The following GRM7 variants were observed in gnomAD, a reference collection of about 807,000 sequenced individuals.
The protein encoded by GRM7 is metabotropic glutamate receptor 7.
Under a neutral mutation model 84.5 loss-of-function variants are expected in GRM7, and 35 were observed. The ratio of observed to expected loss-of-function variants is 0.41; its 90% CI spans 0.32 to 0.55. The LOEUF (loss-of-function observed/expected upper bound fraction) is 0.55, where lower values mean the gene tolerates loss of function less well. GRM7 is among the 20% of genes least tolerant of loss of function. The probability of loss-of-function intolerance (pLI) is 0.19; values close to 1 mark genes in which losing one functional copy is unlikely to be tolerated. For synonymous variants in GRM7, 487 were observed against 455.1 expected (o/e 1.07, Z -0.89); for missense variants, 1,003 against 1,194.6 (o/e 0.84, Z 2.36).
intron 7 of GRM7, among the ~76,000 whole-genome samples, chr3:7,524,522 C>T (rs1361403134): frequency 1.1e-5 from 1 of 88,946 alleles, no homozygotes; most frequent in Non-Finnish European, 2.1e-5. Flanking sequence ...AAATGCTCAC[C>T]ATCACTGGCC....
chr3:7,668,834 T>C (rs961973567), intron 8 of GRM7, among the ~76,000 whole-genome samples: 2 of 152,254 alleles, frequency 1.3e-5, no homozygotes, highest in African/African-American at 4.8e-5. Context: ...AAACATACAT[T>C]GAACTTGTTT....
chr3:7,704,310 T>C (rs1437273748), intron 9 of GRM7, among the ~76,000 whole-genome samples: 2 of 152,214 alleles, frequency 1.3e-5, no homozygotes, highest in African/African-American at 4.8e-5. Flanking sequence ...CTATTTCACA[T>C]CAATTTATAT....
intron 1 of GRM7, among the ~76,000 whole-genome samples, chr3:6,931,355 A>C (rs2125045028): frequency 6.6e-6 from 1 of 152,290 alleles, no homozygotes; most frequent in Admixed American, 6.5e-5. Context: ...AGAGTGACAT[A>C]GAGGACTGAA....
chr3:7,410,450 G>A (rs1472791162), intron 4 of GRM7, among the ~76,000 whole-genome samples: 1 of 152,010 alleles, frequency 6.6e-6, no homozygotes, highest in Non-Finnish European at 1.5e-5. Flanking sequence ...GTGCCCACCT[G>A]TGGTCCCAGC....
chr3:6,931,353 A>G (rs990568851), intron 1 of GRM7, among the ~76,000 whole-genome samples: 1 of 152,188 alleles, frequency 6.6e-6, no homozygotes. Context: ...GAAGAGTGAC[A>G]TAGAGGACTG....
intron 4 of GRM7, among the ~76,000 whole-genome samples, chr3:7,375,292 C>T (rs1159291150): frequency 1.3e-5 from 2 of 148,218 alleles, no homozygotes; most frequent in East Asian, 2.0e-4. Flanking sequence ...GATCTCGGCT[C>T]ACCGCAACCT....
intron 4 of GRM7, among the ~76,000 whole-genome samples, chr3:7,348,605 A>G (rs1575201827): frequency 6.6e-6 from 1 of 152,138 alleles, no homozygotes; most frequent in African/African-American, 2.4e-5. Flanking sequence ...TGTCCACACA[A>G]TGATTCAAGG....
intron 2 of GRM7, among the ~76,000 whole-genome samples, chr3:7,171,809 A>G (rs1469997520): frequency 6.6e-6 from 1 of 152,210 alleles, no homozygotes; most frequent in Non-Finnish European, 1.5e-5. Context: ...CATCAGCACC[A>G]AGTAAATGCC....
At chr3:7,375,582 C>G (rs1171136325) in intron 4 of GRM7, among the ~76,000 whole-genome samples, 1 of 152,108 alleles carries the variant, frequency 6.6e-6, no homozygotes, top group Non-Finnish European at 1.5e-5. Flanking sequence ...TCATGTCATT[C>G]CCCTATCACA....
In GRM7 at chr3:6,861,468, C is replaced by G; in HGVS notation, c.80C>G (p.Ala27Gly). 1.3e-6 allele frequency: 2 copies of G among 1,536,652 alleles called. No individual in the cohort carries two copies. Among genetic ancestry groups the G allele is most frequent in the Non-Finnish European group, 1.8e-6 (2 of 1,138,284 alleles). The change falls in exon 1 of 10, where the codon GCG (alanine) becomes GGG (glycine). Residue 27 changes from alanine to glycine, a missense_variant. By Grantham distance (60) the Ala-to-Gly change is moderately conservative (BLOSUM62 0). This residue lies in a region of GRM7 where 93 missense variants were observed against 68.6 expected (regional missense o/e 1.36). Coordinates refer to ENST00000357716, the MANE Select transcript of GRM7 (RefSeq NM_000844.4). The surrounding 1 kb of genome is among the most constrained non-coding windows in gnomAD (Gnocchi z 6.4). ...PCCVLEVLLC[A>G]LAAAARGQEM... ...TGCGTGCTGGAGGTGCTCCTGTGCG[C>G]GCTGGCGGCGGCGGCGCGCGGCCAG...
At chr3:7,269,528 AT>A (rs1559541546) in intron 2 of GRM7, among the ~76,000 whole-genome samples, 5 of 152,152 alleles carry the variant, frequency 3.3e-5, no homozygotes, top group Non-Finnish European at 5.9e-5. Context: ...TGATTCTAAT[AT>A]GCAGCCAAGG....
At chr3:7,683,638 G>T (rs141594595) in intron 9 of GRM7, among the ~76,000 whole-genome samples, 3 of 152,330 alleles carry the variant, frequency 2.0e-5, no homozygotes, top group Admixed American at 2.0e-4. Flanking sequence ...CTGCAGTGAC[G>T]ATCATGTTTT....
intron 9 of GRM7, among the ~76,000 whole-genome samples, chr3:7,734,347 T>C (rs887094692): frequency 6.6e-6 from 1 of 152,176 alleles, no homozygotes; most frequent in East Asian, 1.9e-4. Flanking sequence ...CCCTTGCTGA[T>C]GACACATGGC....
intron 1 of GRM7, among the ~76,000 whole-genome samples, chr3:6,992,805 T>C (rs2124859241): frequency 6.6e-6 from 1 of 152,324 alleles, no homozygotes; most frequent in South Asian, 2.1e-4. Flanking sequence ...CACCCTCTGA[T>C]GTCTTACTGC....
intron 8 of GRM7, among the ~76,000 whole-genome samples, chr3:7,677,805 C>T (rs1408863898): frequency 3.3e-5 from 5 of 152,244 alleles, no homozygotes; most frequent in Middle Eastern, 3.4e-3. Flanking sequence ...CACCAAAAGA[C>T]GCATGTACTC....
intron 7 of GRM7, among the ~76,000 whole-genome samples, chr3:7,477,160 AC>A (rs1256274701): frequency 2.0e-5 from 3 of 152,182 alleles, no homozygotes; most frequent in Non-Finnish European, 4.4e-5. Context: ...CTTTGCAACT[AC>A]AGTTGAGAGA....
At chr3:7,590,588 T>C (rs1433068394) in intron 8 of GRM7, among the ~76,000 whole-genome samples, 1 of 152,196 alleles carries the variant, frequency 6.6e-6, no homozygotes, top group African/African-American at 2.4e-5. Context: ...TTTCTTCTCA[T>C]CCTTGCTGAC....
intron 8 of GRM7, among the ~76,000 whole-genome samples, chr3:7,621,400 G>T (rs915139068): frequency 7.2e-5 from 11 of 152,082 alleles, no homozygotes; most frequent in Non-Finnish European, 1.3e-4. Context: ...AGAATTGGAT[G>T]TCTCAAGTCA....
intron 8 of GRM7, among the ~76,000 whole-genome samples, chr3:7,649,006 G>A (rs938959533): frequency 6.6e-6 from 1 of 152,060 alleles, no homozygotes; most frequent in Non-Finnish European, 1.5e-5. Context: ...TTAGCACTGT[G>A]TGTCTGCCAG....
Sources: allele counts gnomAD v4.1 joint callset (sites outside exome capture counted in the v4.1 genomes callset), GRCh38; gene constraint gnomAD v4.1.1; regional missense constraint gnomAD v4.1.1; non-coding constraint Gnocchi (gnomAD v3.1); transcripts MANE v1.5; gene names NCBI Gene and HGNC (gene_info 2026-07-23, HGNC 2026-07-21).